Variants in TENM3 observed in about 807,000 individuals in gnomAD.
TENM3 encodes teneurin transmembrane protein 3.
Under a neutral mutation model 255.1 loss-of-function variants are expected in TENM3, and 63 were observed. That is an observed-to-expected ratio of 0.25 (90% CI 0.20 to 0.30). The LOEUF is 0.30. Among genes scored for constraint, TENM3 ranks in the 10% least tolerant of loss-of-function variants. TENM3 has a pLI of 1.00. For missense variants in TENM3, 2,929 were observed against 3,461.1 expected (o/e 0.85, Z 3.86); for synonymous variants, 1,306 against 1,322.3 (o/e 0.99, Z 0.27).
chr4:182,285,336 A>G (rs1009346302), intron 1 of TENM3, among the ~76,000 whole-genome samples: 1 of 152,042 alleles, frequency 6.6e-6, no homozygotes, highest in Admixed American at 6.6e-5. Flanking sequence ...TTTGAACCAT[A>G]ATGTTTTCTG....
the TENM3 span, among the ~76,000 whole-genome samples, chr4:181,919,214 CA>C: frequency 3.3e-5 from 5 of 151,998 alleles, no homozygotes; most frequent in Non-Finnish European, 7.4e-5. Flanking sequence ...TAAGGGTAGC[CA>C]CCCAAAATGT....
the TENM3 span, among the ~76,000 whole-genome samples, chr4:182,059,757 AAAAAAG>A: frequency 1.5e-5 from 2 of 131,774 alleles, no homozygotes; most frequent in African/African-American, 7.9e-5. Context: ...AAAAAAAAAA[AAAAAAG>A]AAAAAAAAAA....
chr4:182,697,653 T>C (rs925976160), intron 12 of TENM3, among the ~76,000 whole-genome samples: 13 of 152,148 alleles, frequency 8.5e-5, no homozygotes, highest in Non-Finnish European at 7.4e-5. Context: ...GTTTCTTCCA[T>C]TGAGATGACA....
the TENM3 span, among the ~76,000 whole-genome samples, chr4:181,678,148 C>T: frequency 0.025 from 3,733 of 152,234 alleles, 267 homozygotes; most frequent in Admixed American, 0.14. Context: ...AAGTTCTATG[C>T]AGCTACAGAG....
chr4:181,474,974 T>C, the TENM3 span, among the ~76,000 whole-genome samples: 1 of 152,154 alleles, frequency 6.6e-6, no homozygotes, highest in Non-Finnish European at 1.5e-5. Context: ...ATTTAATAAC[T>C]GTGCAATAAA....
chr4:181,966,693 G>A, the TENM3 span, among the ~76,000 whole-genome samples: 1 of 152,196 alleles, frequency 6.6e-6, no homozygotes, highest in Non-Finnish European at 1.5e-5. Flanking sequence ...TGAAGACATT[G>A]TGGACTAACA....
At chr4:182,790,964 C>T (rs944759107) in intron 25 of TENM3, among the ~76,000 whole-genome samples, 5 of 152,116 alleles carry the variant, frequency 3.3e-5, no homozygotes, top group Admixed American at 6.5e-5. Context: ...TCTTTCTCAT[C>T]GTCTCTCCCA....
chr4:181,779,643 C>A, the TENM3 span, among the ~76,000 whole-genome samples: 1 of 149,848 alleles, frequency 6.7e-6, no homozygotes, highest in Admixed American at 6.6e-5. Context: ...AAAATATATT[C>A]TTTTTTTATT....
intron 13 of TENM3, among the ~76,000 whole-genome samples, chr4:182,718,965 A>G (rs1448769972): frequency 2.6e-5 from 4 of 152,094 alleles, no homozygotes; most frequent in Non-Finnish European, 5.9e-5. Context: ...TTTCTCCACA[A>G]TGCATTGTCC....
the TENM3 span, among the ~76,000 whole-genome samples, chr4:181,873,725 C>T: frequency 1.3e-5 from 2 of 149,962 alleles, no homozygotes; most frequent in Non-Finnish European, 3.0e-5. Context: ...ATATGTACTC[C>T]GAAGTTCTTG....
chr4:182,309,855 G>T (rs190386905), intron 1 of TENM3, among the ~76,000 whole-genome samples: 1 of 152,286 alleles, frequency 6.6e-6, no homozygotes, highest in East Asian at 1.9e-4. Context: ...CAATGTACTT[G>T]ATGTCATTAT....
the TENM3 span, among the ~76,000 whole-genome samples, chr4:181,490,144 T>C: frequency 2.0e-5 from 3 of 152,222 alleles, no homozygotes; most frequent in African/African-American, 7.2e-5. Context: ...ACCTCAAGCA[T>C]TTGTTATTTC....
At chr4:181,695,505 C>T in the TENM3 span, among the ~76,000 whole-genome samples, 58 of 152,026 alleles carry the variant, frequency 3.8e-4, no homozygotes, top group African/African-American at 1.4e-3. Context: ...TAATGAAATC[C>T]TTGGAGTTCA....
the TENM3 span, among the ~76,000 whole-genome samples, chr4:181,481,176 G>C: frequency 6.6e-6 from 1 of 150,616 alleles, no homozygotes; most frequent in African/African-American, 2.4e-5. Flanking sequence ...AAACTTTATT[G>C]CTTTTGCTCA....
intron 5 of TENM3, among the ~76,000 whole-genome samples, chr4:182,642,313 A>C (rs1354612785): frequency 2.0e-5 from 3 of 152,246 alleles, no homozygotes; most frequent in Admixed American, 6.5e-5. Context: ...TCTCTGTGAC[A>C]GAAGCAACAG....
chr4:181,957,029 G>A, the TENM3 span, among the ~76,000 whole-genome samples: 1 of 152,078 alleles, frequency 6.6e-6, no homozygotes, highest in Non-Finnish European at 1.5e-5. Context: ...ATGGTATCTG[G>A]AAAGTGACCA....
At chr4:181,480,208 C>A in the TENM3 span, among the ~76,000 whole-genome samples, 24 of 152,086 alleles carry the variant, frequency 1.6e-4, no homozygotes, top group Admixed American at 1.5e-3. Context: ...TTTCTGCTTA[C>A]CATCTATAAA....
chr4:182,248,520 T>C (rs1757795271), intron 1 of TENM3, among the ~76,000 whole-genome samples: 2 of 152,246 alleles, frequency 1.3e-5, no homozygotes, highest in African/African-American at 4.8e-5. Context: ...TTGTTTAACA[T>C]AGATCTAGTA....
the TENM3 span, among the ~76,000 whole-genome samples, chr4:181,460,361 C>T: frequency 2.0e-5 from 3 of 151,878 alleles, no homozygotes; most frequent in Admixed American, 6.6e-5. Flanking sequence ...AGGGAGAAAG[C>T]ATTCCATCTT....
Sources: allele counts gnomAD v4.1 joint callset (sites outside exome capture counted in the v4.1 genomes callset), GRCh38; gene constraint gnomAD v4.1.1; transcripts MANE v1.5; gene names NCBI Gene and HGNC (gene_info 2026-07-23, HGNC 2026-07-21).